Variants in ZSCAN25 observed in about 807,000 individuals in gnomAD.
ZSCAN25 encodes the protein zinc finger and SCAN domain-containing protein 25.
ZSCAN25 carries 27 observed loss-of-function variants against 38.7 expected under a neutral mutation model. The observed-to-expected ratio is 0.70, with a 90% CI of 0.51 to 0.96. The LOEUF is 0.96. Ranked by LOEUF, ZSCAN25 falls within the 40% of genes least tolerant of loss-of-function variation. ZSCAN25 has a pLI of 0.00. For missense variants in ZSCAN25, 637 were observed against 705.9 expected (o/e 0.90, Z 1.11); for synonymous variants, 273 against 277.7 (o/e 0.98, Z 0.17).
chr7:99,679,873 C>G, the ZSCAN25 span: 5 of 1,614,100 alleles, frequency 3.1e-6, no homozygotes, highest in South Asian at 1.1e-5. Flanking sequence ...AGGTTTCCAC[C>G]GCCAAATTTG....
the ZSCAN25 span, among the ~76,000 whole-genome samples, chr7:99,716,995 T>C: frequency 6.6e-6 from 1 of 152,224 alleles, no homozygotes; most frequent in Non-Finnish European, 1.5e-5. Context: ...ATCCTTTTCC[T>C]CCAGCTGCCC....
At chr7:99,737,613 T>A in the ZSCAN25 span, among the ~76,000 whole-genome samples, 10 of 152,210 alleles carry the variant, frequency 6.6e-5, no homozygotes, top group Admixed American at 5.9e-4. Context: ...CTTTCTTATT[T>A]TTTTAGAAAC....
At chr7:99,662,281 C>T in the ZSCAN25 span, among the ~76,000 whole-genome samples, 1 of 152,146 alleles carries the variant, frequency 6.6e-6, no homozygotes, top group East Asian at 1.9e-4. The surrounding 1 kb of genome is among the most constrained non-coding windows in gnomAD (Gnocchi z 4.3). Flanking sequence ...TTGGTTAAAA[C>T]CATCCATGGG....
the ZSCAN25 span, among the ~76,000 whole-genome samples, chr7:99,736,462 T>C: frequency 1.8e-4 from 28 of 152,344 alleles, no homozygotes; most frequent in African/African-American, 6.5e-4. Context: ...TAATAACAGT[T>C]GCTGCCACCT....
At chr7:99,642,214 G>C in the ZSCAN25 span, among the ~76,000 whole-genome samples, 2 of 152,216 alleles carry the variant, frequency 1.3e-5, no homozygotes, top group African/African-American at 4.8e-5. Flanking sequence ...TTCACCAAGA[G>C]TTAGAGTCCA....
the ZSCAN25 span, among the ~76,000 whole-genome samples, chr7:99,637,763 CAA>C: frequency 1.3e-5 from 2 of 151,964 alleles, no homozygotes; most frequent in African/African-American, 2.4e-5. Flanking sequence ...ATATAAAAGA[CAA>C]ATGACAGTTT....
At chr7:99,638,384 A>T in the ZSCAN25 span, 6 of 1,596,936 alleles carry the variant, frequency 3.8e-6, no homozygotes, top group African/African-American at 5.4e-5. Flanking sequence ...GTTTCATGGC[A>T]TCGGGCAGGT....
chr7:99,642,106 A>G, the ZSCAN25 span, among the ~76,000 whole-genome samples: 1 of 151,710 alleles, frequency 6.6e-6, no homozygotes. Context: ...CCTTTACACA[A>G]CTTTCTCCTT....
the ZSCAN25 span, among the ~76,000 whole-genome samples, chr7:99,644,637 A>G: frequency 6.6e-6 from 1 of 152,128 alleles, no homozygotes; most frequent in African/African-American, 2.4e-5. Flanking sequence ...AATTCCTCCC[A>G]CATGAACTCA....
At chr7:99,680,505 A>G in the ZSCAN25 span, among the ~76,000 whole-genome samples, 1 of 152,088 alleles carries the variant, frequency 6.6e-6, no homozygotes, top group Admixed American at 6.5e-5. Context: ...CCACCATTGT[A>G]AGTTTCTATG....
the ZSCAN25 span, among the ~76,000 whole-genome samples, chr7:99,686,868 A>G: frequency 6.6e-6 from 1 of 152,154 alleles, no homozygotes; most frequent in African/African-American, 2.4e-5. Context: ...CTGCTGTTCT[A>G]CAGCCACTGC....
the ZSCAN25 span, among the ~76,000 whole-genome samples, chr7:99,700,685 C>T: frequency 6.6e-6 from 1 of 152,142 alleles, no homozygotes; most frequent in Non-Finnish European, 1.5e-5. Flanking sequence ...AGGTGAGTTC[C>T]TCAAGGGCAC....
the ZSCAN25 span, among the ~76,000 whole-genome samples, chr7:99,666,387 C>T: frequency 6.6e-6 from 1 of 152,154 alleles, no homozygotes; most frequent in Non-Finnish European, 1.5e-5. Context: ...ATAAGTAAAT[C>T]CTGGCTCCTG....
the ZSCAN25 span, chr7:99,713,338 C>T: frequency 7.1e-7 from 1 of 1,403,602 alleles, no homozygotes; most frequent in Non-Finnish European, 9.9e-7. Flanking sequence ...ACCATTTTAA[C>T]ATCCAAACCT....
Position 99,631,359 on chromosome 7 carries a change from A to T in ZSCAN25, c.*1339A>T. 1.0e-6 allele frequency: 1 copy of T among 985,326 alleles called. No individual in the cohort carries two copies. The highest frequency in any genetic ancestry group is 4.7e-5 in the South Asian group (1 of 21,284). The allele number at this position is 985,326 out of a possible 1,614,324, so 61.0% of individuals were successfully genotyped here. On this transcript the variant is annotated 3_prime_UTR_variant, in exon 8 of 8. Transcript: ENST00000394152. ...TAAAGATATTTGTAGGCATTAAAAA[A>T]AAATACATTTCTTTAAAAATGAGAA...
the ZSCAN25 span, among the ~76,000 whole-genome samples, chr7:99,712,360 A>G: frequency 6.6e-6 from 1 of 152,240 alleles, no homozygotes; most frequent in Non-Finnish European, 1.5e-5. Flanking sequence ...TGTGAAACCA[A>G]ACTATAATCT....
chr7:99,625,604 CAG>C (rs1242731339), intron 7 of ZSCAN25, among the ~76,000 whole-genome samples: 1 of 152,164 alleles, frequency 6.6e-6, no homozygotes, highest in African/African-American at 2.4e-5. Context: ...CAGAGGATGA[CAG>C]AACAAAGCAG....
At chr7:99,687,202 G>T in the ZSCAN25 span, among the ~76,000 whole-genome samples, 1 of 152,208 alleles carries the variant, frequency 6.6e-6, no homozygotes, top group Admixed American at 6.5e-5. Flanking sequence ...AGAGAAGAAG[G>T]CTTCAGACGA....
At chr7:99,704,525 A>C in the ZSCAN25 span, among the ~76,000 whole-genome samples, 1 of 152,212 alleles carries the variant, frequency 6.6e-6, no homozygotes, top group African/African-American at 2.4e-5. Flanking sequence ...TCCTGGCCTC[A>C]GATGATCTGC....
Sources: gnomAD v4.1 joint callset for allele counts (sites outside exome capture counted in the v4.1 genomes callset) on GRCh38, gnomAD v4.1.1 for gene constraint, Gnocchi (gnomAD v3.1) non-coding constraint, MANE v1.5 for transcripts, NCBI Gene and HGNC (gene_info 2026-07-23, HGNC 2026-07-21) for gene names.